The following GPC5 variants were observed in gnomAD, a reference collection of about 807,000 sequenced individuals.
The protein encoded by GPC5 is glypican 5.
Under a neutral mutation model 53.9 loss-of-function variants are expected in GPC5, and 47 were observed. The ratio of observed to expected loss-of-function variants is 0.87; its 90% CI spans 0.69 to 1.11. The LOEUF (loss-of-function observed/expected upper bound fraction) is 1.11, where lower values mean the gene tolerates loss of function less well. GPC5 is among the 50% of genes most tolerant of loss of function. GPC5 has a pLI of 0.00. For missense variants in GPC5, 748 were observed against 713.1 expected (o/e 1.05, Z -0.56); for synonymous variants, 286 against 263.3 (o/e 1.09, Z -0.84).
At chr13:91,981,389 A>T (rs1027318083) in intron 6 of GPC5, among the ~76,000 whole-genome samples, 8 of 151,122 alleles carry the variant, frequency 5.3e-5, no homozygotes, top group African/African-American at 1.7e-4. Context: ...TCCCGGGTTC[A>T]CGCCATTCTC....
intron 5 of GPC5, among the ~76,000 whole-genome samples, chr13:91,783,480 C>T (rs993415617): frequency 6.6e-6 from 1 of 152,116 alleles, no homozygotes; most frequent in Admixed American, 6.5e-5. Context: ...GTCGCTCAGG[C>T]TGGAGTGCAG....
At chr13:92,369,604 G>A (rs966832086) in intron 7 of GPC5, among the ~76,000 whole-genome samples, 1 of 152,220 alleles carries the variant, frequency 6.6e-6, no homozygotes, top group African/African-American at 2.4e-5. Context: ...ACAAGCTATT[G>A]TAGGAAAACT....
chr13:92,296,587 C>A (rs2043036108), intron 7 of GPC5, among the ~76,000 whole-genome samples: 1 of 152,146 alleles, frequency 6.6e-6, no homozygotes, highest in Admixed American at 6.5e-5. Context: ...CCTTCAGCCC[C>A]CTACTGCACT....
intron 5 of GPC5, among the ~76,000 whole-genome samples, chr13:91,883,806 G>C (rs1270233474): frequency 6.6e-5 from 10 of 152,068 alleles, no homozygotes; most frequent in Non-Finnish European, 1.5e-5. Flanking sequence ...TAACTTTTAA[G>C]TTCAGTGGTA....
At chr13:91,517,671 A>AT (rs1243352405) in intron 2 of GPC5, among the ~76,000 whole-genome samples, 2 of 152,006 alleles carry the variant, frequency 1.3e-5, no homozygotes, top group African/African-American at 4.8e-5. Flanking sequence ...ACTGGTACCA[A>AT]TTTTCTGTAT....
chr13:92,389,183 G>T (rs1381300393), intron 7 of GPC5, among the ~76,000 whole-genome samples: 1 of 152,076 alleles, frequency 6.6e-6, no homozygotes. Flanking sequence ...CTGTACAAAA[G>T]TCTTAGTTTT....
Position 92,210,913 on chromosome 13 carries a change from T to G in GPC5, c.1561+65924T>G, listed in dbSNP as rs142947232. 7.3e-3 allele frequency among the ~76,000 whole-genome samples: 1,113 copies of G among 152,308 alleles called. 19 individuals carry two copies. The highest frequency in any genetic ancestry group is 0.026 in the African/African-American group (1,068 of 41,566). On this transcript the variant is annotated intron_variant, in intron 7 of 7. Transcript: ENST00000377067. ...CAGACATCACGCTTACTTCTTTCTT[T>G]TAGATTTCATTTCCTTCTATCTTGT...
At chr13:92,479,413 G>A (rs549647478) in intron 7 of GPC5, among the ~76,000 whole-genome samples, 1 of 152,284 alleles carries the variant, frequency 6.6e-6, no homozygotes, top group African/African-American at 2.4e-5. Flanking sequence ...AGTTACCTTT[G>A]ATTTTCACTG....
intron 7 of GPC5, among the ~76,000 whole-genome samples, chr13:92,535,571 A>T (rs910940105): frequency 1.3e-5 from 2 of 151,992 alleles, no homozygotes; most frequent in African/African-American, 4.8e-5. Context: ...GTTCTTTGAC[A>T]CTTTTTGAGA....
chr13:91,922,309 A>T (rs1173852606), intron 6 of GPC5, among the ~76,000 whole-genome samples: 6 of 151,786 alleles, frequency 4.0e-5, no homozygotes, highest in Non-Finnish European at 5.9e-5. Context: ...AACTTTTTTT[A>T]AAAAAAACTA....
At chr13:92,792,122 G>T (rs1876487391) in intron 7 of GPC5, among the ~76,000 whole-genome samples, 1 of 152,064 alleles carries the variant, frequency 6.6e-6, no homozygotes, top group Admixed American at 6.6e-5. Context: ...ATTCACCAAG[G>T]TTGAAATGAA....
chr13:91,857,013 C>A (rs2038974440), intron 5 of GPC5, among the ~76,000 whole-genome samples: 1 of 148,598 alleles, frequency 6.7e-6, no homozygotes, highest in Non-Finnish European at 1.5e-5. Context: ...AAAGATTTTT[C>A]TTTCCAATTT....
chr13:92,138,691 CTA>C (rs1405867382), intron 6 of GPC5, among the ~76,000 whole-genome samples: 1 of 152,046 alleles, frequency 6.6e-6, no homozygotes, highest in East Asian at 1.9e-4. Flanking sequence ...TTGGTGGAAA[CTA>C]TGTCTATTTC....
chr13:92,291,081 G>A (rs549812572), intron 7 of GPC5, among the ~76,000 whole-genome samples: 11 of 152,218 alleles, frequency 7.2e-5, no homozygotes, highest in African/African-American at 1.7e-4. Context: ...CTGCCTTTCC[G>A]CTAGGCAGGG....
At chr13:92,084,778 T>A (rs1198071515) in intron 6 of GPC5, among the ~76,000 whole-genome samples, 2 of 152,238 alleles carry the variant, frequency 1.3e-5, no homozygotes, top group Non-Finnish European at 2.9e-5. Flanking sequence ...AGATAAATGT[T>A]ACAAAACATG....
intron 5 of GPC5, among the ~76,000 whole-genome samples, chr13:91,869,833 C>G (rs997293136): frequency 1.3e-5 from 2 of 152,114 alleles, no homozygotes; most frequent in African/African-American, 4.8e-5. Context: ...ATGGTGACAG[C>G]AGAGGGAGAG....
chr13:91,670,140 G>T (rs1365447813), intron 2 of GPC5, among the ~76,000 whole-genome samples: 1 of 152,114 alleles, frequency 6.6e-6, no homozygotes, highest in Non-Finnish European at 1.5e-5. Context: ...AGCATATGTT[G>T]CCCATTGCTG....
intron 7 of GPC5, among the ~76,000 whole-genome samples, chr13:92,307,837 G>A (rs1009590072): frequency 2.7e-4 from 41 of 152,228 alleles, no homozygotes; most frequent in African/African-American, 8.4e-4. Context: ...TGACTATAAG[G>A]CAGTAAGTGG....
At chr13:92,391,208 C>G (rs1874986666) in intron 7 of GPC5, among the ~76,000 whole-genome samples, 1 of 152,140 alleles carries the variant, frequency 6.6e-6, no homozygotes, top group South Asian at 2.1e-4. Flanking sequence ...ACATTAATAT[C>G]ATTAATTCTC....
Sources: allele counts gnomAD v4.1 joint callset (sites outside exome capture counted in the v4.1 genomes callset), GRCh38; gene constraint gnomAD v4.1.1; transcripts MANE v1.5; gene names NCBI Gene and HGNC (gene_info 2026-07-23, HGNC 2026-07-21).